The following NOL4 variants were observed in gnomAD, a reference collection of about 807,000 sequenced individuals.
NOL4 encodes the protein nucleolar protein 4.
NOL4 carries 17 observed loss-of-function variants against 75.9 expected under a neutral mutation model. The ratio of observed to expected loss-of-function variants is 0.22; its 90% CI spans 0.15 to 0.34. The LOEUF is 0.34. NOL4 is among the 10% of genes least tolerant of loss of function. The pLI is 1.00. For synonymous variants in NOL4, 292 were observed against 289.9 expected (o/e 1.01, Z -0.07); for missense variants, 614 against 793.5 (o/e 0.77, Z 2.72).
intron 1 of NOL4, among the ~76,000 whole-genome samples, chr18:34,158,084 G>C (rs368723082): frequency 3.3e-5 from 5 of 152,128 alleles, no homozygotes; most frequent in African/African-American, 7.2e-5. Context: ...AGCTGAAAAG[G>C]CTTGTCTATT....
At chr18:34,198,854 C>T (rs1432044470) in intron 1 of NOL4, among the ~76,000 whole-genome samples, 1 of 151,784 alleles carries the variant, frequency 6.6e-6, no homozygotes. Flanking sequence ...AAAATTCATA[C>T]TACTTGCAGC....
Position 34,105,013 on chromosome 18 carries a change from A to T in NOL4, c.526+36T>A, listed in dbSNP as rs765723065. 9 of 1,320,026 alleles carry T rather than the reference A, an allele frequency of 6.8e-6. No individual in the cohort carries two copies. In the South Asian group the frequency reaches 1.1e-4, roughly 16 times the overall value. The allele number at this position is 1,320,026 out of a possible 1,614,324, so 81.8% of individuals were successfully genotyped here. A position where few individuals can be genotyped will look rare whatever the true frequency, so the allele number is the denominator to read the frequency against. On this transcript the variant is annotated intron_variant, in intron 3 of 10. Coordinates refer to ENST00000261592, the MANE Select transcript of NOL4 (RefSeq NM_003787.5). The stretch of plus-strand genomic sequence containing the variant: ...GATACAAATGGCCATTATGAATAAA[A>T]TTACTTTAAATCTCACTATTTGACA...
At chr18:34,142,876 C>A (rs2081239013) in intron 1 of NOL4, among the ~76,000 whole-genome samples, 1 of 152,054 alleles carries the variant, frequency 6.6e-6, no homozygotes, top group African/African-American at 2.4e-5. Flanking sequence ...CCCTTGGTAT[C>A]TATGAATTCC....
chr18:33,948,649 A>G (rs1252794843), intron 8 of NOL4, among the ~76,000 whole-genome samples: 4 of 152,032 alleles, frequency 2.6e-5, no homozygotes, highest in Non-Finnish European at 5.9e-5. Flanking sequence ...TTCAGTCAGA[A>G]AATTATAAAT....
intron 5 of NOL4, among the ~76,000 whole-genome samples, chr18:34,031,940 A>C (rs1012134645): frequency 1.3e-5 from 2 of 152,198 alleles, no homozygotes; most frequent in Non-Finnish European, 2.9e-5. Flanking sequence ...TGGGTCCCAA[A>C]AAACACCTGG....
chr18:33,999,373 A>G (rs1354177908), intron 6 of NOL4, among the ~76,000 whole-genome samples: 2 of 152,000 alleles, frequency 1.3e-5, no homozygotes, highest in East Asian at 1.9e-4. Flanking sequence ...TAATGGTTAC[A>G]TTGTTATTAT....
At chr18:34,098,493 G>A (rs2078894284) in intron 4 of NOL4, among the ~76,000 whole-genome samples, 2 of 152,160 alleles carry the variant, frequency 1.3e-5, no homozygotes, top group South Asian at 2.1e-4. Flanking sequence ...ATGTCACTGA[G>A]TAAATGATCC....
chr18:34,204,683 A>C (rs1568448044), intron 1 of NOL4, among the ~76,000 whole-genome samples: 1 of 152,194 alleles, frequency 6.6e-6, no homozygotes, highest in Admixed American at 6.6e-5. Flanking sequence ...AGATAAATGA[A>C]TAAACCCTAA....
intron 5 of NOL4, among the ~76,000 whole-genome samples, chr18:34,064,061 CT>C (rs2077170158): frequency 6.6e-6 from 1 of 151,920 alleles, no homozygotes; most frequent in Non-Finnish European, 1.5e-5. Flanking sequence ...AATTATGAGA[CT>C]ACAAAGACCA....
chr18:34,184,123 A>T (rs753745852), intron 1 of NOL4, among the ~76,000 whole-genome samples: 23 of 152,012 alleles, frequency 1.5e-4, no homozygotes, highest in Non-Finnish European at 2.8e-4. Flanking sequence ...AGAGCTTAAA[A>T]TGTATTTTTA....
chr18:33,916,970 T>C (rs959763345), intron 9 of NOL4, among the ~76,000 whole-genome samples: 3 of 152,194 alleles, frequency 2.0e-5, no homozygotes, highest in Admixed American at 2.0e-4. Context: ...CTCCATGAAT[T>C]CAGCATTATC....
intron 6 of NOL4, among the ~76,000 whole-genome samples, chr18:33,982,897 T>C (rs1052321632): frequency 1.3e-5 from 2 of 151,796 alleles, no homozygotes; most frequent in Non-Finnish European, 1.5e-5. Context: ...ATTGCAGGCA[T>C]GTACCACCAC....
chr18:34,192,661 G>A (rs1351864984), intron 1 of NOL4, among the ~76,000 whole-genome samples: 1 of 152,180 alleles, frequency 6.6e-6, no homozygotes, highest in Non-Finnish European at 1.5e-5. Context: ...TATCCTCATG[G>A]AGAAGAATAA....
At chr18:34,059,122 CATAT>C (rs55773398) in intron 5 of NOL4, among the ~76,000 whole-genome samples, 21,641 of 117,814 alleles carry the variant, frequency 0.18, 2,144 homozygotes, top group Non-Finnish European at 0.24. Context: ...GATAGATATA[CATAT>C]ATATATATAT....
At chr18:34,057,950 T>A in intron 5 of NOL4, among the ~76,000 whole-genome samples, 1 of 152,220 alleles carries the variant, frequency 6.6e-6, no homozygotes, top group East Asian at 1.9e-4. Context: ...ACTTTTTTGC[T>A]TATTGATTTC....
At chr18:34,189,954 C>A (rs12964456) in intron 1 of NOL4, among the ~76,000 whole-genome samples, 29,582 of 150,782 alleles carry the variant, frequency 0.2, 3,347 homozygotes, top group East Asian at 0.35. Flanking sequence ...TTTAGAGTTA[C>A]AATTCCAATA....
At chr18:33,878,150 A>C (rs1278151198) in intron 10 of NOL4, among the ~76,000 whole-genome samples, 1 of 152,096 alleles carries the variant, frequency 6.6e-6, no homozygotes, top group East Asian at 1.9e-4. Flanking sequence ...AATTGGTTGA[A>C]AGTCAGGAAG....
intron 9 of NOL4, among the ~76,000 whole-genome samples, chr18:33,926,764 CT>C (rs1420208996): frequency 6.6e-6 from 1 of 151,948 alleles, no homozygotes; most frequent in East Asian, 1.9e-4. Context: ...CCACGCCCAG[CT>C]AATTTTTGTA....
chr18:33,970,019 A>G (rs2070923087), intron 6 of NOL4, among the ~76,000 whole-genome samples: 1 of 152,172 alleles, frequency 6.6e-6, no homozygotes. Context: ...ACTTGGTAAA[A>G]CAAGTTACTG....
Sources: gnomAD v4.1 joint callset for allele counts (sites outside exome capture counted in the v4.1 genomes callset) on GRCh38, gnomAD v4.1.1 for gene constraint, MANE v1.5 for transcripts, NCBI Gene and HGNC (gene_info 2026-07-23, HGNC 2026-07-21) for gene names.